ADAMTSL1: variants seen among roughly 807,000 people sequenced by gnomAD.
ADAMTSL1 encodes the protein ADAMTS-like protein 1.
Under a neutral mutation model 201.8 loss-of-function variants are expected in ADAMTSL1, and 126 were observed. The ratio of observed to expected loss-of-function variants is 0.62; its 90% CI spans 0.54 to 0.72. The LOEUF is 0.72. Among genes scored for constraint, ADAMTSL1 ranks in the 30% least tolerant of loss-of-function variants. The pLI is 0.00. For synonymous variants in ADAMTSL1, 1,121 were observed against 903.4 expected, an observed-to-expected ratio of 1.24 and a Z score of -4.32; for missense variants, 2,679 against 2,277.8, an observed-to-expected ratio of 1.18 and a Z score of -3.59.
At chr9:18,474,147 A>C (rs1279662877), upstream of ADAMTSL1, 1 of 1,147,870 alleles carries the variant, frequency 8.7e-7, no homozygotes, top group African/African-American at 1.5e-5. Flanking sequence ...CTGGAGTGTT[A>C]GCACCAGTAC....
At chr9:18,855,161 G>C (rs1826763468) in intron 23 of ADAMTSL1, among the ~76,000 whole-genome samples, 1 of 152,260 alleles carries the variant, frequency 6.6e-6, no homozygotes, top group Admixed American at 6.5e-5. Context: ...CTAACAGCTT[G>C]GAAAACAACT....
chr9:18,401,888 C>A (rs1818000925), intron 2 of ADAMTSL1, among the ~76,000 whole-genome samples: 1 of 152,142 alleles, frequency 6.6e-6, no homozygotes, highest in Non-Finnish European at 1.5e-5. Context: ...GGTATGGGGG[C>A]AAGCAGGCTT....
chr9:18,751,022 A>G (rs1349646991), intron 15 of ADAMTSL1, among the ~76,000 whole-genome samples: 1 of 152,126 alleles, frequency 6.6e-6, no homozygotes, highest in African/African-American at 2.4e-5. Flanking sequence ...CTAGCCTTGG[A>G]AGTCACATAG....
At chr9:18,498,812 GA>G (rs370717645) in intron 1 of ADAMTSL1, among the ~76,000 whole-genome samples, 38 of 152,086 alleles carry the variant, frequency 2.5e-4, no homozygotes, top group African/African-American at 5.5e-4. Flanking sequence ...GTAAAATAAG[GA>G]AAAAAAATTC....
chr9:18,566,531 G>A (rs1004263606), intron 3 of ADAMTSL1, among the ~76,000 whole-genome samples: 1 of 152,198 alleles, frequency 6.6e-6, no homozygotes, highest in African/African-American at 2.4e-5. Flanking sequence ...AGAGTAGGCA[G>A]CCTAAGCTTT....
intron 2 of ADAMTSL1, among the ~76,000 whole-genome samples, chr9:18,264,106 A>T (rs769130472): frequency 1.3e-5 from 2 of 152,092 alleles, no homozygotes; most frequent in Non-Finnish European, 2.9e-5. Context: ...CTGTGTCTCC[A>T]TTACTAGCAT....
chr9:18,630,873 C>G (rs1341484038), intron 5 of ADAMTSL1, among the ~76,000 whole-genome samples: 2 of 152,140 alleles, frequency 1.3e-5, no homozygotes, highest in Non-Finnish European at 2.9e-5. Flanking sequence ...ACCTGTAATT[C>G]TGATTCCTCA....
At chr9:18,449,870 T>C (rs1282871360) in intron 2 of ADAMTSL1, among the ~76,000 whole-genome samples, 1 of 152,152 alleles carries the variant, frequency 6.6e-6, no homozygotes, top group Non-Finnish European at 1.5e-5. Flanking sequence ...TTTTAAAAAC[T>C]GGCAGTAGTA....
chr9:18,603,980 C>T (rs1824840660), intron 4 of ADAMTSL1, among the ~76,000 whole-genome samples: 1 of 152,208 alleles, frequency 6.6e-6, no homozygotes, highest in Non-Finnish European at 1.5e-5. Context: ...GCAGATGGAA[C>T]AATGGCGAGA....
At chr9:18,501,400 A>G (rs1466111142) in intron 1 of ADAMTSL1, among the ~76,000 whole-genome samples, 1 of 151,054 alleles carries the variant, frequency 6.6e-6, no homozygotes, top group Non-Finnish European at 1.5e-5. Context: ...AGTCCCAGCT[A>G]CTCAAGAGGC....
At chr9:18,837,954 T>C (rs1825421626) in intron 23 of ADAMTSL1, among the ~76,000 whole-genome samples, 1 of 152,200 alleles carries the variant, frequency 6.6e-6, no homozygotes, top group Non-Finnish European at 1.5e-5. Flanking sequence ...GTGTCCTTCA[T>C]CCTGTCACTG....
At position 17,987,438 on chromosome 9, in the gene ADAMTSL1, A is replaced by T. The variant is rs1029881847; in HGVS notation, c.87+80516A>T. Reference sequence around the variant, plus strand: ...TATTGTTTTATTGCATTGGTTGAACACTACCACACATATCTGACCCATATG... The same window carrying T: ...TATTGTTTTATTGCATTGGTTGAACTCTACCACACATATCTGACCCATATG... On this transcript the variant is annotated intron_variant, in intron 1 of 29. Transcript: ENST00000680146. Among the ~76,000 whole-genome samples, 8 of 152,266 alleles carry T rather than the reference A, an allele frequency of 5.3e-5. No individual in the cohort carries two copies. In the South Asian group the frequency reaches 8.3e-4, roughly 16 times the overall value.
chr9:18,393,064 C>T (rs543651505), intron 2 of ADAMTSL1, among the ~76,000 whole-genome samples: 1 of 152,236 alleles, frequency 6.6e-6, no homozygotes, highest in South Asian at 2.1e-4. Context: ...TTATTGACCA[C>T]TTGTAGAAAG....
chr9:18,629,753 A>T (rs1826627041), intron 5 of ADAMTSL1, among the ~76,000 whole-genome samples: 1 of 152,132 alleles, frequency 6.6e-6, no homozygotes, highest in Admixed American at 6.6e-5. Flanking sequence ...GCCTCAAACG[A>T]TGAGTAGAGA....
At chr9:17,975,445 C>T (rs72697411) in intron 1 of ADAMTSL1, among the ~76,000 whole-genome samples, 6,645 of 152,046 alleles carry the variant, frequency 0.044, 219 homozygotes, top group Non-Finnish European at 0.06. Context: ...TGTGTCTTCG[C>T]GTAGTAGCAA....
chr9:18,830,522 C>A (rs544164376), intron 23 of ADAMTSL1, among the ~76,000 whole-genome samples: 1 of 152,296 alleles, frequency 6.6e-6, no homozygotes, highest in South Asian at 2.1e-4. Flanking sequence ...TCACTAAGTA[C>A]AACCTCCCTG....
intron 14 of ADAMTSL1, among the ~76,000 whole-genome samples, chr9:18,717,144 G>A (rs1405530278): frequency 1.3e-5 from 2 of 150,626 alleles, no homozygotes; most frequent in African/African-American, 2.4e-5. Context: ...CAGATGACAA[G>A]TTAGTGGGTA....
chr9:18,353,831 T>G (rs1339867458), intron 2 of ADAMTSL1, among the ~76,000 whole-genome samples: 1 of 152,066 alleles, frequency 6.6e-6, no homozygotes, highest in Non-Finnish European at 1.5e-5. Flanking sequence ...AAAATGAAAA[T>G]AGCCTTATTA....
intron 1 of ADAMTSL1, among the ~76,000 whole-genome samples, chr9:18,132,153 C>A (rs890915521): frequency 6.6e-6 from 1 of 152,066 alleles, no homozygotes; most frequent in Non-Finnish European, 1.5e-5. Context: ...AACAAGATGC[C>A]CTACTTTACT....
Sources: gnomAD v4.1 joint callset for allele counts (sites outside exome capture counted in the v4.1 genomes callset) on GRCh38, gnomAD v4.1.1 for gene constraint, MANE v1.5 for transcripts, NCBI Gene and HGNC (gene_info 2026-07-23, HGNC 2026-07-21) for gene names.